Variants in CFAP54 observed in about 807,000 individuals in gnomAD.
CFAP54 encodes cilia- and flagella-associated protein 54.
Under a neutral mutation model 370.4 loss-of-function variants are expected in CFAP54, and 290 were observed. That is an observed-to-expected ratio of 0.78 (90% CI 0.71 to 0.86). The LOEUF (loss-of-function observed/expected upper bound fraction) is 0.86. Ranked by LOEUF, CFAP54 falls within the 40% of genes least tolerant of loss-of-function variation. CFAP54 has a pLI of 0.00. For synonymous variants in CFAP54, 1,206 were observed against 1,236.5 expected (o/e 0.98, Z 0.52); for missense variants, 3,399 against 3,528.7 (o/e 0.96, Z 0.93).
intron 39 of CFAP54, among the ~76,000 whole-genome samples, chr12:96,664,821 A>ATATATG (rs1957060295): frequency 7.4e-6 from 1 of 135,332 alleles, no homozygotes; most frequent in African/African-American, 2.8e-5. Flanking sequence ...ATAGATATAT[A>ATATATG]TATGTATATC....
intron 58 of CFAP54, among the ~76,000 whole-genome samples, chr12:96,760,388 A>C (rs1212220715): frequency 6.6e-6 from 1 of 152,208 alleles, no homozygotes; most frequent in Non-Finnish European, 1.5e-5. Context: ...CCAGTTTTAG[A>C]ACATTTTCAT....
In CFAP54 at chr12:96,704,764, G is replaced by A. The variant is rs531547803; in HGVS notation, c.6496G>A (p.Gly2166Arg). 4.9e-6 allele frequency: 6 copies of A among 1,235,460 alleles called. No individual in the cohort carries two copies. In the African/African-American group the frequency reaches 6.3e-5, roughly 13 times the overall value. 76.5% of individuals were successfully genotyped at this position (1,235,460 alleles called of 1,614,324 possible). A position where few individuals can be genotyped will look rare whatever the true frequency, so the allele number is the denominator to read the frequency against. Residue 2166 changes from glycine to arginine, a missense_variant, in exon 47 of 68, where the codon GGA becomes AGA. Physicochemically the swap from Gly to Arg is moderately radical, Grantham distance 125. Coordinates refer to ENST00000524981, the MANE Select transcript of CFAP54 (RefSeq NM_001306084.2). Reference sequence around the variant, plus strand: ...ACAGATCTTTCAATCATTTGACTCAGGAAAACTTCTTACCAGTAAAGAAAA... The same window carrying A: ...ACAGATCTTTCAATCATTTGACTCAAGAAAACTTCTTACCAGTAAAGAAAA... ...KMKIFQSFDS[G>R]KLLTSKENIQ... is the part of the protein sequence containing the mutation.
At chr12:96,499,796 A>G (rs1488911208) in intron 1 of CFAP54, among the ~76,000 whole-genome samples, 1 of 151,922 alleles carries the variant, frequency 6.6e-6, no homozygotes, top group Non-Finnish European at 1.5e-5. Flanking sequence ...AAATACAACA[A>G]TCAGCCAGGC....
chr12:96,800,592 C>T (rs1057493741), intron 63 of CFAP54, among the ~76,000 whole-genome samples: 4 of 152,082 alleles, frequency 2.6e-5, no homozygotes, highest in African/African-American at 9.7e-5. Flanking sequence ...CAGATTTTAT[C>T]GTTTTGGAAG....
intron 14 of CFAP54, among the ~76,000 whole-genome samples, chr12:96,543,301 C>T (rs748979949): frequency 5.9e-5 from 9 of 152,110 alleles, no homozygotes; most frequent in Non-Finnish European, 7.3e-5. Context: ...AGTGAGACAG[C>T]GGAGGAAAGG....
In CFAP54 at chr12:96,547,927, C is replaced by T; in HGVS notation, c.2103C>T (p.Asn701=). Residue 701 remains asparagine (N), a synonymous_variant, in exon 15 of 68, where the codon AAC becomes AAT. Transcript: ENST00000524981. ...ATGTACCTTTAAGAGAAGGGACTAACAAATTCCCTGGAGCTCCAAAAGGGA... is the reference window on the plus strand; with the variant it reads ...ATGTACCTTTAAGAGAAGGGACTAATAAATTCCCTGGAGCTCCAAAAGGGA... ...SLDVPLREGT[N]KFPGAPKGIT... 6.6e-7 allele frequency: 1 copy of T among 1,505,526 alleles called. No individual in the cohort carries two copies. Among genetic ancestry groups the T allele is most frequent in the Non-Finnish European group, 8.9e-7 (1 of 1,127,336 alleles). 93.3% of individuals were successfully genotyped at this position (1,505,526 alleles called of 1,614,324 possible).
At chr12:96,758,240 T>G (rs1958287311) in intron 58 of CFAP54, among the ~76,000 whole-genome samples, 1 of 152,044 alleles carries the variant, frequency 6.6e-6, no homozygotes, top group African/African-American at 2.4e-5. Flanking sequence ...GGGCATGTAT[T>G]AGTTCATTTT....
chr12:96,504,820 G>A (rs1955073709), intron 3 of CFAP54, among the ~76,000 whole-genome samples: 1 of 152,124 alleles, frequency 6.6e-6, no homozygotes, highest in Non-Finnish European at 1.5e-5. Context: ...AATACTGGGC[G>A]ATGTAGGTTG....
intron 63 of CFAP54, among the ~76,000 whole-genome samples, chr12:96,795,030 C>G (rs777842956): frequency 6.6e-6 from 1 of 152,164 alleles, no homozygotes; most frequent in East Asian, 1.9e-4. Flanking sequence ...AGGCACCCAT[C>G]GAAGCTACCG....
intron 19 of CFAP54, among the ~76,000 whole-genome samples, chr12:96,572,390 C>T (rs531486552): frequency 6.0e-5 from 9 of 151,016 alleles, no homozygotes; most frequent in South Asian, 2.1e-4. Context: ...GAATGAAATG[C>T]GTGGGCAATT....
intron 26 of CFAP54, among the ~76,000 whole-genome samples, chr12:96,600,692 T>C (rs1294811689): frequency 2.0e-5 from 3 of 149,668 alleles, no homozygotes; most frequent in Non-Finnish European, 4.5e-5. Context: ...GTCCTTTGGA[T>C]TCCTAGGTAT....
chr12:96,758,314 C>T (rs949627161), intron 58 of CFAP54, among the ~76,000 whole-genome samples: 7 of 152,126 alleles, frequency 4.6e-5, no homozygotes, highest in Admixed American at 4.6e-4. Flanking sequence ...TTAACGGACT[C>T]ATAGTTCCAT....
intron 58 of CFAP54, 53 bp from the exon 59 acceptor site, chr12:96,764,098 T>C: frequency 8.5e-7 from 1 of 1,176,048 alleles, no homozygotes; most frequent in South Asian, 1.3e-5. Context: ...CTTCAGAAGA[T>C]GAGAAGAGTT....
chr12:96,779,021 C>T (rs34466), intron 60 of CFAP54, among the ~76,000 whole-genome samples: 1 of 150,320 alleles, frequency 6.7e-6, no homozygotes, highest in East Asian at 2.0e-4. Context: ...GCAGGAGAAT[C>T]TCTTGGACCC....
intron 30 of CFAP54, among the ~76,000 whole-genome samples, chr12:96,627,762 G>A (rs1005012182): frequency 1.1e-4 from 16 of 152,222 alleles, no homozygotes; most frequent in African/African-American, 3.9e-4. Flanking sequence ...CAGAATTAGA[G>A]TTCTATTAAA....
intron 2 of CFAP54, among the ~76,000 whole-genome samples, chr12:96,503,138 C>T (rs906016859): frequency 1.4e-5 from 2 of 146,036 alleles, no homozygotes; most frequent in Non-Finnish European, 3.0e-5. Flanking sequence ...TTCTCTCTCT[C>T]CTCTTTCTTT....
At chr12:96,567,538 A>T (rs1405095597) in intron 19 of CFAP54, among the ~76,000 whole-genome samples, 1 of 152,162 alleles carries the variant, frequency 6.6e-6, no homozygotes, top group Non-Finnish European at 1.5e-5. Flanking sequence ...GGTTGTGTTC[A>T]GATCCATTTT....
chr12:96,580,555 A>G (rs747243721), intron 20 of CFAP54, 42 bp from the exon 21 acceptor site: 39 of 1,162,878 alleles, frequency 3.4e-5, no homozygotes, highest in Non-Finnish European at 4.4e-5. Context: ...ACATTGATAT[A>G]AAAGAATGCC....
intron 48 of CFAP54, among the ~76,000 whole-genome samples, chr12:96,715,511 C>G (rs10745770): frequency 0.77 from 117,663 of 152,098 alleles, 46,523 homozygotes; most frequent in African/African-American, 0.93. Flanking sequence ...AACACTGGTA[C>G]TGTCAATGGA....
Sources: gnomAD v4.1 joint callset for allele counts (sites outside exome capture counted in the v4.1 genomes callset) on GRCh38, gnomAD v4.1.1 for gene constraint, MANE v1.5 for transcripts, NCBI Gene and HGNC (gene_info 2026-07-23, HGNC 2026-07-21) for gene names.